Variants in ZNF800 observed in about 807,000 individuals in gnomAD.
The protein encoded by ZNF800 is zinc finger protein 800.
ZNF800 carries 13 observed loss-of-function variants against 59.5 expected under a neutral mutation model. That is an observed-to-expected ratio of 0.22 (90% CI 0.14 to 0.35). ZNF800 has a LOEUF of 0.35. ZNF800 is among the 10% of genes least tolerant of loss of function. The pLI, the probability that ZNF800 is intolerant of heterozygous loss-of-function variation, is 1.00. For missense variants in ZNF800, 621 were observed against 783.7 expected, an observed-to-expected ratio of 0.79 and a Z score of 2.48; for synonymous variants, 266 against 265.7, an observed-to-expected ratio of 1.00 and a Z score of -0.01.
chr7:127,379,928 A>C (rs1800924828), intron 3 of ZNF800, among the ~76,000 whole-genome samples: 1 of 140,410 alleles, frequency 7.1e-6, no homozygotes, highest in African/African-American at 2.6e-5. Flanking sequence ...CGTTGATCCA[A>C]GCAGTCCAGA....
At chr7:127,368,054 T>C (rs1800550177), downstream of ZNF800, among the ~76,000 whole-genome samples, 1 of 152,112 alleles carries the variant, frequency 6.6e-6, no homozygotes, top group East Asian at 1.9e-4. Context: ...GGAAATGAGC[T>C]GCATTTTCCA....
At chr7:127,376,718 C>T (rs976949319) in intron 4 of ZNF800, among the ~76,000 whole-genome samples, 1 of 151,918 alleles carries the variant, frequency 6.6e-6, no homozygotes, top group African/African-American at 2.4e-5. Context: ...CTCCACCATT[C>T]CCAAGAAATG....
At chr7:127,354,407 T>G (rs553760815) in intron 1 of ZNF800, among the ~76,000 whole-genome samples, 30 of 152,054 alleles carry the variant, frequency 2.0e-4, no homozygotes, top group Non-Finnish European at 3.8e-4. Flanking sequence ...ATAGGCAGTA[T>G]AGCAAAATGG....
At chr7:127,366,452 G>A (rs1800508741), downstream of ZNF800, among the ~76,000 whole-genome samples, 4 of 152,240 alleles carry the variant, frequency 2.6e-5, no homozygotes, top group Admixed American at 2.6e-4. Flanking sequence ...GGCTCTTTCT[G>A]AGGGAAAACT....
intron 1 of ZNF800, among the ~76,000 whole-genome samples, chr7:127,354,367 A>G (rs868529827): frequency 1.3e-5 from 2 of 152,162 alleles, no homozygotes; most frequent in Non-Finnish European, 2.9e-5. Flanking sequence ...CTGTCCATTC[A>G]TATTAACAAA....
chr7:127,392,022 G>A (rs1221150121), intron 1 of ZNF800, 38 bp downstream of exon 1: 6 of 387,282 alleles, frequency 1.5e-5, no homozygotes, highest in African/African-American at 1.0e-4. Context: ...TCTCCCTGGC[G>A]GAGACCCCGT....
At chr7:127,372,928 CTAATA>C (rs1411766507) in intron 5 of ZNF800, 7 of 984,380 alleles carry the variant, frequency 7.1e-6, no homozygotes, top group African/African-American at 3.5e-5. Context: ...CAAGTTCATT[CTAATA>C]TATTTAACTT....
rs17866791 is a variant in ZNF800, at chr7:127,380,904, A to C, written c.158-3575T>G. Among the ~76,000 whole-genome samples the C allele has an allele frequency of 3.5e-3, 534 of 152,370 alleles. 4 individuals are homozygous for C. The highest frequency in any genetic ancestry group is 0.012 in the African/African-American group (506 of 41,594). On this transcript the variant is annotated intron_variant, in intron 3 of 5. Transcript: ENST00000265827. The stretch of plus-strand genomic sequence containing the variant: ...TTGATAGCTAAAGATTAATGACTGT[A>C]TATTCCAGATTTTCACCCCTAATAG...
chr7:127,384,625 A>G (rs1358532266), intron 3 of ZNF800, among the ~76,000 whole-genome samples: 1 of 152,126 alleles, frequency 6.6e-6, no homozygotes, highest in African/African-American at 2.4e-5. Flanking sequence ...AAAGAAACCT[A>G]TAACAAGTAA....
At chr7:127,358,801 T>C (rs17867833) in intron 1 of ZNF800, among the ~76,000 whole-genome samples, 11,256 of 152,206 alleles carry the variant, frequency 0.074, 533 homozygotes, top group African/African-American at 0.12. Context: ...TCTCTGTACC[T>C]GACTCAGTGC....
intron 1 of ZNF800, among the ~76,000 whole-genome samples, chr7:127,358,368 G>A (rs527425130): frequency 5.3e-5 from 8 of 151,162 alleles, no homozygotes; most frequent in South Asian, 2.1e-4. Context: ...GCCAAAACCC[G>A]AATTTACGTC....
At chr7:127,375,700 C>T (rs550963345) in intron 4 of ZNF800, among the ~76,000 whole-genome samples, 11 of 151,914 alleles carry the variant, frequency 7.2e-5, no homozygotes, top group South Asian at 4.1e-4. Flanking sequence ...AGTTTTATTT[C>T]CTTGTACAAT....
In ZNF800 at chr7:127,370,273, G is replaced by T. The variant is rs17867203; in HGVS notation, c.*1541C>A. On this transcript the variant is annotated 3_prime_UTR_variant, in exon 6 of 6. Transcript: ENST00000265827. Reference sequence around the variant, plus strand: ...ATCAGAATATAATTCAAGTGTAGCTGCTCATAGTCACTGAATAAGTTTAAA... The same window carrying T: ...ATCAGAATATAATTCAAGTGTAGCTTCTCATAGTCACTGAATAAGTTTAAA... 5.5e-3 allele frequency: 844 copies of T among 152,490 alleles called. 11 individuals carry two copies. Among genetic ancestry groups the T allele is most frequent in the African/African-American group, 0.019 (782 of 41,548 alleles). The allele number at this position is 152,490 out of a possible 1,614,324, so 9.4% of individuals were successfully genotyped here.
At chr7:127,356,809 T>TA (rs985486616) in intron 1 of ZNF800, among the ~76,000 whole-genome samples, 2 of 151,972 alleles carry the variant, frequency 1.3e-5, no homozygotes, top group African/African-American at 4.8e-5. Flanking sequence ...CATAAGGGAA[T>TA]AAAAAAATTG....
exon 2 of ZNF800, chr7:127,347,346 A>G (rs1405394985): frequency 8.3e-6 from 1 of 119,840 alleles, no homozygotes. Flanking sequence ...TTATTAAAAC[A>G]ATCTTCTGGC....
At chr7:127,391,962 G>C (rs1290901519) in intron 1 of ZNF800, 98 bp downstream of exon 1, 4 of 377,838 alleles carry the variant, frequency 1.1e-5, no homozygotes, top group Non-Finnish European at 1.9e-5. Flanking sequence ...TGCCGCTCCC[G>C]CCGGCTGCTG....
At chr7:127,362,103 A>C (rs1477149722) in intron 1 of ZNF800, 1 of 152,298 alleles carries the variant, frequency 6.6e-6, no homozygotes, top group East Asian at 1.9e-4. Flanking sequence ...GCATAGAGAT[A>C]CAATTATTCC....
chr7:127,371,914 T>C (rs1800641465), intron 5 of ZNF800, 100 bp from the exon 6 acceptor site: 3 of 611,670 alleles, frequency 4.9e-6, no homozygotes, highest in African/African-American at 3.8e-5. Context: ...GATGGTTTCA[T>C]CTCAAGTTTT....
rs1248053297 is a variant in ZNF800 at position 127,392,385 on chromosome 7, C to T, written c.-384G>A. On this transcript the variant is annotated 5_prime_UTR_variant, in exon 1 of 6. Coordinates refer to ENST00000265827, the MANE Select transcript of ZNF800 (RefSeq NM_176814.5). Reference sequence around the variant, plus strand: ...GGAACCGCCCGGCAGCAGCTGCCGCCGCCACCACCGAAGGAGCCGGAACCG... The same window carrying T: ...GGAACCGCCCGGCAGCAGCTGCCGCTGCCACCACCGAAGGAGCCGGAACCG... The T allele has an allele frequency of 2.1e-5, 8 of 380,740 alleles. No homozygotes were observed. Among genetic ancestry groups the T allele is most frequent in the African/African-American group, 1.5e-4 (7 of 47,910 alleles). 23.6% of individuals were successfully genotyped at this position (380,740 alleles called of 1,614,324 possible).
Sources: allele counts gnomAD v4.1 joint callset (sites outside exome capture counted in the v4.1 genomes callset), GRCh38; gene constraint gnomAD v4.1.1; transcripts MANE v1.5; gene names NCBI Gene and HGNC (gene_info 2026-07-23, HGNC 2026-07-21).